The following PTPRD variants were observed in gnomAD, a reference collection of about 807,000 sequenced individuals.
PTPRD encodes the protein receptor-type tyrosine-protein phosphatase delta.
PTPRD carries 34 observed loss-of-function variants against 214.5 expected under a neutral mutation model. The ratio of observed to expected loss-of-function variants is 0.16; its 90% confidence interval spans 0.12 to 0.21. PTPRD has a LOEUF of 0.21. PTPRD is among the 10% of genes least tolerant of loss of function. The pLI, the probability that PTPRD is intolerant of heterozygous loss-of-function variation, is 1.00. For synonymous variants in PTPRD, 1,128 were observed against 845.7 expected, an observed-to-expected ratio of 1.33 and a Z score of -5.79; for missense variants, 2,545 against 2,398.7, an observed-to-expected ratio of 1.06 and a Z score of -1.27.
intron 4 of PTPRD, among the ~76,000 whole-genome samples, chr9:9,999,420 TTTCTGCCC>T (rs1209720719): frequency 6.6e-6 from 1 of 152,210 alleles, no homozygotes; most frequent in Non-Finnish European, 1.5e-5. Context: ...CTTTTTATTA[TTTCTGCCC>T]TTCCCTCTCA....
chr9:10,110,902 G>C (rs1332812330), intron 3 of PTPRD, among the ~76,000 whole-genome samples: 1 of 152,174 alleles, frequency 6.6e-6, no homozygotes, highest in African/African-American at 2.4e-5. Flanking sequence ...AAGAATTTTA[G>C]TGAATTTTTT....
chr9:8,727,849 A>C (rs2098602437), intron 12 of PTPRD, among the ~76,000 whole-genome samples: 1 of 152,156 alleles, frequency 6.6e-6, no homozygotes, highest in Admixed American at 6.5e-5. Context: ...AGCTTTAGTG[A>C]GATATAATTC....
rs1266445798 is a variant in PTPRD, at chr9:8,532,584, G to T, written c.353-3805C>A. On this transcript the variant is annotated intron_variant, in intron 14 of 45. Coordinates refer to ENST00000381196, the MANE Select transcript of PTPRD (RefSeq NM_002839.4). ...CATGAGGTGAAAAGAAAAACATTTT[G>T]TCCTATTCATTAATGTGCTCATTAA... 2.0e-5 allele frequency among the ~76,000 whole-genome samples: 3 copies of T among 152,006 alleles called. No individual in the cohort carries two copies. The East Asian group carries it at 5.8e-4, about 29-fold the overall frequency.
intron 3 of PTPRD, among the ~76,000 whole-genome samples, chr9:10,148,082 C>T (rs1398022841): frequency 6.6e-6 from 1 of 152,058 alleles, no homozygotes; most frequent in Non-Finnish European, 1.5e-5. Flanking sequence ...TGCCCACCAC[C>T]ACCTTTCACT....
intron 11 of PTPRD, among the ~76,000 whole-genome samples, chr9:8,988,417 C>T (rs530632946): frequency 2.2e-4 from 33 of 151,960 alleles, no homozygotes; most frequent in South Asian, 1.2e-3. Context: ...TAAGAAAAAC[C>T]GTAAGAAATC....
intron 3 of PTPRD, among the ~76,000 whole-genome samples, chr9:10,259,189 A>ATT (rs35655882): frequency 5.3e-5 from 8 of 151,062 alleles, no homozygotes; most frequent in Admixed American, 2.6e-4. Context: ...CGCCCGGCTA[A>ATT]TTTTTTTTGT....
At chr9:10,278,384 G>C (rs7025220) in intron 3 of PTPRD, among the ~76,000 whole-genome samples, 13,173 of 152,116 alleles carry the variant, frequency 0.087, 1,198 homozygotes, top group Admixed American at 0.19. Flanking sequence ...CAAACAAAGT[G>C]GTTCAGGAGG....
chr9:10,518,740 G>C (rs1003466468), intron 2 of PTPRD, among the ~76,000 whole-genome samples: 7 of 151,910 alleles, frequency 4.6e-5, no homozygotes, highest in Non-Finnish European at 8.8e-5. Flanking sequence ...TACCGTGTTA[G>C]CCAAGATGGT....
chr9:8,424,627 TA>T (rs1357758058), intron 35 of PTPRD, among the ~76,000 whole-genome samples: 6 of 151,188 alleles, frequency 4.0e-5, no homozygotes, highest in African/African-American at 9.7e-5. Flanking sequence ...AGTTTAATAC[TA>T]AAAAAATGAT....
At chr9:9,483,728 C>A (rs923851271) in intron 8 of PTPRD, among the ~76,000 whole-genome samples, 1 of 151,552 alleles carries the variant, frequency 6.6e-6, no homozygotes, top group Admixed American at 6.6e-5. Flanking sequence ...ATAAGTAACT[C>A]ATTTCCTGGG....
At chr9:8,549,498 C>G (rs1040688253) in intron 14 of PTPRD, among the ~76,000 whole-genome samples, 1 of 152,092 alleles carries the variant, frequency 6.6e-6, no homozygotes, top group Non-Finnish European at 1.5e-5. Context: ...TTGCAATGTT[C>G]CAAGTATGTT....
intron 3 of PTPRD, among the ~76,000 whole-genome samples, chr9:10,324,332 T>C (rs1001025750): frequency 1.3e-5 from 2 of 152,018 alleles, no homozygotes; most frequent in African/African-American, 2.4e-5. Context: ...TAATATCTCC[T>C]TGGTAGTAGC....
chr9:9,845,120 CTA>C (rs2059232098), intron 5 of PTPRD, among the ~76,000 whole-genome samples: 1 of 25,226 alleles, frequency 4.0e-5, no homozygotes, highest in Non-Finnish European at 6.8e-5. Flanking sequence ...ATATATTGCT[CTA>C]TATATAGAGC....
rs187747462 is a variant in PTPRD at position 10,558,987 on chromosome 9, T to C, written c.-600+53411A>G. 1.6e-3 allele frequency among the ~76,000 whole-genome samples: 244 copies of C among 152,236 alleles called. 2 individuals are homozygous for C. The highest frequency in any genetic ancestry group is 5.5e-3 in the African/African-American group (230 of 41,550). On this transcript the variant is annotated intron_variant, in intron 2 of 45. Coordinates refer to ENST00000381196, the MANE Select transcript of PTPRD (RefSeq NM_002839.4). Reference sequence around the variant, plus strand: ...TTTACCAGAATTACTGAAAATCCTATTTCTATATTATATATTTTGTTGGGG... The same window carrying C: ...TTTACCAGAATTACTGAAAATCCTACTTCTATATTATATATTTTGTTGGGG...
rs141347070 is a variant in PTPRD, at chr9:8,867,144, G to A, written c.-103-133198C>T. On this transcript the variant is annotated intron_variant, in intron 11 of 45. Transcript: ENST00000381196. ...ACCAATATGAAGAACAACAGATGACGGACACTCTTAATATCTCTCCTTCCC... is the reference window on the plus strand; with the variant it reads ...ACCAATATGAAGAACAACAGATGACAGACACTCTTAATATCTCTCCTTCCC... Among the ~76,000 whole-genome samples the A allele has an allele frequency of 2.7e-3, 413 of 152,164 alleles. 3 individuals are homozygous for A. Among genetic ancestry groups the A allele is most frequent in the Middle Eastern group, 0.014 (4 of 294 alleles).
chr9:10,572,114 A>G (rs1381071574), intron 2 of PTPRD, among the ~76,000 whole-genome samples: 1 of 152,216 alleles, frequency 6.6e-6, no homozygotes, highest in East Asian at 1.9e-4. Flanking sequence ...GATTATTAGA[A>G]AATGAAACAA....
chr9:10,565,513 C>G (rs2065323072), intron 2 of PTPRD, among the ~76,000 whole-genome samples: 1 of 151,838 alleles, frequency 6.6e-6, no homozygotes, highest in Non-Finnish European at 1.5e-5. Flanking sequence ...AAAAACAGCC[C>G]AACAAATAAT....
intron 2 of PTPRD, among the ~76,000 whole-genome samples, chr9:10,411,101 T>C (rs1026512243): frequency 6.6e-6 from 1 of 151,838 alleles, no homozygotes; most frequent in African/African-American, 2.4e-5. Context: ...TTTTACTATT[T>C]ACATTATTGT....
chr9:9,396,835 A>C (rs893379275), intron 9 of PTPRD, among the ~76,000 whole-genome samples: 2 of 152,042 alleles, frequency 1.3e-5, no homozygotes, highest in Non-Finnish European at 2.9e-5. Context: ...ATGTGCAGAG[A>C]ATCCTTGAAA....
Sources: allele counts gnomAD v4.1 joint callset (sites outside exome capture counted in the v4.1 genomes callset), GRCh38; gene constraint gnomAD v4.1.1; transcripts MANE v1.5; gene names NCBI Gene and HGNC (gene_info 2026-07-23, HGNC 2026-07-21).